The following AGBL1 variants were observed in gnomAD, a reference collection of about 807,000 sequenced individuals.
AGBL1 encodes AGBL carboxypeptidase 1.
In AGBL1, 130 loss-of-function variants were observed where a neutral mutation model predicts 118.9. That is an observed-to-expected ratio of 1.09 (90% CI 0.95 to 1.26). The LOEUF (loss-of-function observed/expected upper bound fraction) is 1.26, where lower values mean the gene tolerates loss of function less well. AGBL1 is among the 50% of genes most tolerant of loss of function. The pLI is 0.00. For missense variants in AGBL1, 1,584 were observed against 1,298.1 expected, an observed-to-expected ratio of 1.22 and a Z score of -3.38; for synonymous variants, 555 against 478.9, an observed-to-expected ratio of 1.16 and a Z score of -2.08.
intron 22 of AGBL1, among the ~76,000 whole-genome samples, chr15:86,750,924 G>A (rs1376094714): frequency 6.6e-6 from 1 of 152,036 alleles, no homozygotes; most frequent in Admixed American, 6.6e-5. Flanking sequence ...GTTTGCCGAG[G>A]ATAATGGCTT....
chr15:86,894,884 G>A (rs2080100492), intron 22 of AGBL1, among the ~76,000 whole-genome samples: 1 of 152,160 alleles, frequency 6.6e-6, no homozygotes, highest in Non-Finnish European at 1.5e-5. Flanking sequence ...AGAAAGGTTG[G>A]CAGGAGTGTC....
At chr15:86,825,515 A>G (rs1363013244) in intron 22 of AGBL1, among the ~76,000 whole-genome samples, 3 of 151,436 alleles carry the variant, frequency 2.0e-5, no homozygotes, top group Non-Finnish European at 4.4e-5. Flanking sequence ...CAAACTGTCC[A>G]CTTAGAAAAT....
In AGBL1 at chr15:86,910,525, G is replaced by A. The variant is rs1335352890; in HGVS notation, c.*3231G>A. On this transcript the variant is annotated 3_prime_UTR_variant, in exon 23 of 23. Coordinates refer to ENST00000614907, the MANE Select transcript of AGBL1 (RefSeq NM_001386094.1). ...CCATTTTTCCCTTGTTTATGGCTGA[G>A]GGTTTGGTGCTCCTGCTATGCTGGT... is the stretch of plus-strand genomic sequence containing the variant. The A allele has an allele frequency of 6.6e-6, 1 of 152,210 alleles. No homozygotes were observed. The highest frequency in any genetic ancestry group is 2.4e-5 in the African/African-American group (1 of 41,450). 9.4% of individuals were successfully genotyped at this position (152,210 alleles called of 1,614,324 possible). A position where few individuals can be genotyped will look rare whatever the true frequency, so the allele number is the denominator to read the frequency against.
At chr15:86,299,796 T>C (rs867805536) in intron 17 of AGBL1, 1 of 152,184 alleles carries the variant, frequency 6.6e-6, no homozygotes, top group African/African-American at 2.4e-5. Flanking sequence ...GTTTGTATAC[T>C]CTTCCAGAAT....
intron 6 of AGBL1, among the ~76,000 whole-genome samples, chr15:86,233,991 A>T (rs905064492): frequency 1.3e-5 from 2 of 152,114 alleles, no homozygotes; most frequent in Non-Finnish European, 2.9e-5. Flanking sequence ...CTTGTTTGAG[A>T]CAAAACTCTT....
At chr15:86,422,824 C>A (rs1482190095) in intron 18 of AGBL1, among the ~76,000 whole-genome samples, 5 of 152,160 alleles carry the variant, frequency 3.3e-5, no homozygotes, top group African/African-American at 1.2e-4. Flanking sequence ...TACCTCTATG[C>A]AAATAAACTA....
At chr15:86,607,011 A>G (rs948535428) in intron 21 of AGBL1, among the ~76,000 whole-genome samples, 1 of 149,466 alleles carries the variant, frequency 6.7e-6, no homozygotes, top group Non-Finnish European at 1.5e-5. Context: ...AATTTTAAAA[A>G]CTCTCTCCAT....
chr15:86,433,132 A>G (rs1469967268), intron 18 of AGBL1, among the ~76,000 whole-genome samples: 1 of 152,112 alleles, frequency 6.6e-6, no homozygotes, highest in Non-Finnish European at 1.5e-5. Flanking sequence ...GCCTGGGAGG[A>G]CTGAGAAGAA....
chr15:86,216,713 C>T (rs2078195797), intron 5 of AGBL1, among the ~76,000 whole-genome samples: 1 of 151,988 alleles, frequency 6.6e-6, no homozygotes, highest in Non-Finnish European at 1.5e-5. Context: ...TCTTCCTAGT[C>T]CTTTAAAAAA....
chr15:86,474,671 G>A (rs546188443), intron 18 of AGBL1, among the ~76,000 whole-genome samples: 114 of 152,234 alleles, frequency 7.5e-4, no homozygotes, highest in African/African-American at 2.7e-3. Flanking sequence ...CAAACAAAAG[G>A]CAGCAGAAAC....
At chr15:86,829,576 C>G (rs2079076181) in intron 22 of AGBL1, among the ~76,000 whole-genome samples, 1 of 152,050 alleles carries the variant, frequency 6.6e-6, no homozygotes, top group Admixed American at 6.6e-5. Flanking sequence ...ATCAGTAGAA[C>G]TATTTGGTCA....
At chr15:86,766,970 T>G (rs1457618099) in intron 22 of AGBL1, among the ~76,000 whole-genome samples, 1 of 151,894 alleles carries the variant, frequency 6.6e-6, no homozygotes, top group Non-Finnish European at 1.5e-5. Flanking sequence ...ACATAAAGAT[T>G]TAGGGTAATT....
Position 86,801,934 on chromosome 15 carries a change from T to G in AGBL1, c.3159-105153T>G, listed in dbSNP as rs531590710. On this transcript the variant is annotated intron_variant, in intron 22 of 22. Coordinates refer to ENST00000614907, the MANE Select transcript of AGBL1 (RefSeq NM_001386094.1). ...GAATCTGGTCAGTTTATGCTAAAGATGAGAAATGATCAAGCCCTGACAACA... is the reference window on the plus strand; with the variant it reads ...GAATCTGGTCAGTTTATGCTAAAGAGGAGAAATGATCAAGCCCTGACAACA... Among the ~76,000 whole-genome samples the G allele has an allele frequency of 1.9e-4, 29 of 152,234 alleles. 1 individual carries two copies. In the South Asian group the frequency reaches 5.8e-3, roughly 30 times the overall value.
chr15:86,616,708 A>T (rs535242354), intron 21 of AGBL1, among the ~76,000 whole-genome samples: 1 of 152,298 alleles, frequency 6.6e-6, no homozygotes, highest in African/African-American at 2.4e-5. Context: ...TATTTGGTTG[A>T]TTAATGAATT....
At chr15:86,929,454 A>G (rs1385849039) in intron 23 of AGBL1, among the ~76,000 whole-genome samples, 2 of 152,172 alleles carry the variant, frequency 1.3e-5, no homozygotes, top group African/African-American at 2.4e-5. Flanking sequence ...TTCCCCTCCA[A>G]TATCAACTCA....
intron 5 of AGBL1, among the ~76,000 whole-genome samples, chr15:86,182,155 G>A (rs1033585921): frequency 1.3e-5 from 2 of 152,000 alleles, no homozygotes; most frequent in Admixed American, 1.3e-4. Context: ...ATTAATATAA[G>A]GTAACATTTG....
intron 21 of AGBL1, among the ~76,000 whole-genome samples, chr15:86,558,362 A>G (rs1475273451): frequency 6.6e-6 from 1 of 152,108 alleles, no homozygotes; most frequent in Non-Finnish European, 1.5e-5. Flanking sequence ...GATCTGTGGG[A>G]AAACAAAAGC....
intron 22 of AGBL1, among the ~76,000 whole-genome samples, chr15:86,774,135 A>C (rs1051794857): frequency 1.3e-5 from 2 of 152,096 alleles, no homozygotes; most frequent in Non-Finnish European, 2.9e-5. Context: ...GGGAGAAATT[A>C]GAGTGATGTG....
At chr15:86,403,812 T>C (rs1880470779) in intron 18 of AGBL1, among the ~76,000 whole-genome samples, 1 of 152,148 alleles carries the variant, frequency 6.6e-6, no homozygotes, top group South Asian at 2.1e-4. Context: ...TTTAAGGGAG[T>C]TAGAATGTAA....
Sources: allele counts gnomAD v4.1 joint callset (sites outside exome capture counted in the v4.1 genomes callset), GRCh38; gene constraint gnomAD v4.1.1; transcripts MANE v1.5; gene names NCBI Gene and HGNC (gene_info 2026-07-23, HGNC 2026-07-21).